Variants in SORCS2 observed in about 807,000 individuals in gnomAD.
The protein encoded by SORCS2 is VPS10 domain-containing receptor SorCS2.
SORCS2 carries 100 observed loss-of-function variants against 141.6 expected under a neutral mutation model. That is an observed-to-expected ratio of 0.71 (90% CI 0.60 to 0.83). The LOEUF (loss-of-function observed/expected upper bound fraction) is 0.83. Ranked by LOEUF, SORCS2 falls within the 40% of genes least tolerant of loss-of-function variation. SORCS2 has a pLI of 0.00. For missense variants in SORCS2, 1,646 were observed against 1,560.2 expected (o/e 1.05, Z -0.93); for synonymous variants, 789 against 676.9 (o/e 1.17, Z -2.57).
chr4:7,372,235 G>A (rs542607026), intron 1 of SORCS2, among the ~76,000 whole-genome samples: 1 of 152,314 alleles, frequency 6.6e-6, no homozygotes, highest in Admixed American at 6.5e-5. Context: ...GTTGAATGCA[G>A]TAATAATGAT....
chr4:7,302,769 A>ATGTGTGTG lies in SORCS2; in HGVS notation c.481-93506_481-93499dup, dbSNP rs138338129. Among the ~76,000 whole-genome samples the ATGTGTGTG allele has an allele frequency of 1.3e-3, 194 of 145,910 alleles. No homozygotes were observed. In the South Asian group the frequency reaches 0.015, roughly 11 times the overall value. On this transcript the variant is annotated intron_variant, in intron 1 of 26. Transcript: ENST00000507866. ...CCGGCATCTAGTAGACAGTCCACAT[A>ATGTGTGTG]TGTGTGTGTGTGTGTGTGTGCGCGC... is the stretch of plus-strand genomic sequence containing the variant.
chr4:7,268,691 G>C (rs1377859358), intron 1 of SORCS2, among the ~76,000 whole-genome samples: 1 of 152,228 alleles, frequency 6.6e-6, no homozygotes, highest in Non-Finnish European at 1.5e-5. Context: ...CCAGGGTGGA[G>C]GGAGCATAAA....
chr4:7,582,255 G>C (rs1314369111), intron 3 of SORCS2, among the ~76,000 whole-genome samples: 2 of 152,204 alleles, frequency 1.3e-5, no homozygotes, highest in Non-Finnish European at 2.9e-5. Context: ...CAGGACAATA[G>C]GGGCAAAGAT....
intron 1 of SORCS2, among the ~76,000 whole-genome samples, chr4:7,235,261 C>T (rs554132821): frequency 2.0e-5 from 3 of 152,234 alleles, no homozygotes; most frequent in Non-Finnish European, 2.9e-5. Flanking sequence ...TTCTGCTGCC[C>T]GCGCCAGGCT....
At chr4:7,239,125 C>G (rs1204803308) in intron 1 of SORCS2, among the ~76,000 whole-genome samples, 5 of 152,236 alleles carry the variant, frequency 3.3e-5, no homozygotes, top group African/African-American at 1.2e-4. Context: ...TTCAAAGTCC[C>G]TGTCCCTCCT....
chr4:7,710,570 G>C (rs1725763648), intron 14 of SORCS2, among the ~76,000 whole-genome samples: 1 of 152,236 alleles, frequency 6.6e-6, no homozygotes, highest in African/African-American at 2.4e-5. Flanking sequence ...CCCAGGCATT[G>C]TTTGGACAGC....
chr4:7,558,821 A>T (rs1028279785), intron 3 of SORCS2, among the ~76,000 whole-genome samples: 1 of 151,970 alleles, frequency 6.6e-6, no homozygotes, highest in South Asian at 2.1e-4. Context: ...GCCTCACCCT[A>T]GGGCCTCTAG....
At chr4:7,578,819 G>A (rs1271112190) in intron 3 of SORCS2, among the ~76,000 whole-genome samples, 1 of 152,168 alleles carries the variant, frequency 6.6e-6, no homozygotes, top group Non-Finnish European at 1.5e-5. Context: ...CCCAGTTTTG[G>A]AATTCTACTC....
chr4:7,334,107 C>G (rs1228969456), intron 1 of SORCS2, among the ~76,000 whole-genome samples: 3 of 152,176 alleles, frequency 2.0e-5, no homozygotes, highest in Non-Finnish European at 2.9e-5. Context: ...GGCCCCTCAC[C>G]CTCCTCTCAA....
At chr4:7,684,302 G>A (rs1437507426) in intron 10 of SORCS2, among the ~76,000 whole-genome samples, 2 of 152,226 alleles carry the variant, frequency 1.3e-5, no homozygotes, top group Non-Finnish European at 2.9e-5. Flanking sequence ...CTTTGGCATT[G>A]GAGTGAGGAT....
intron 1 of SORCS2, among the ~76,000 whole-genome samples, chr4:7,199,585 G>C (rs971597160): frequency 2.6e-5 from 4 of 151,986 alleles, no homozygotes; most frequent in Admixed American, 6.6e-5. Context: ...TGTTGCTGTG[G>C]TCTGGCCTTC....
At chr4:7,532,611 T>C (rs1202365198) in intron 3 of SORCS2, among the ~76,000 whole-genome samples, 4 of 152,198 alleles carry the variant, frequency 2.6e-5, no homozygotes, top group Non-Finnish European at 5.9e-5. Context: ...GTTGCGCTGG[T>C]GGCAGGTTCA....
At chr4:7,580,464 T>C (rs1716070276) in intron 3 of SORCS2, among the ~76,000 whole-genome samples, 1 of 151,818 alleles carries the variant, frequency 6.6e-6, no homozygotes, top group African/African-American at 2.4e-5. Context: ...CACTCCAGCC[T>C]ATGTGACACA....
At chr4:7,300,329 C>G (rs902474551) in intron 1 of SORCS2, among the ~76,000 whole-genome samples, 8 of 152,068 alleles carry the variant, frequency 5.3e-5, no homozygotes, top group Non-Finnish European at 1.0e-4. Flanking sequence ...GTGGGGGGTA[C>G]TTTTCTGGGA....
rs1007868137 is a variant in SORCS2 at position 7,664,894 on chromosome 4, C to A, written c.1071+423C>A. ...TGCCCTCAGGTCACAAGTGGGCCCA[C>A]CCTCAGCAGCCATGTGGTCCCAGCT... On this transcript the variant is annotated intron_variant, in intron 7 of 26. Coordinates refer to ENST00000507866, the MANE Select transcript of SORCS2 (RefSeq NM_020777.3). The surrounding 1 kb of genome is among the most constrained non-coding windows in gnomAD (Gnocchi z 4.7). Among the ~76,000 whole-genome samples, 1 of 152,218 alleles carries A rather than the reference C, an allele frequency of 6.6e-6. No homozygotes were observed. Among genetic ancestry groups the A allele is most frequent in the Non-Finnish European group, 1.5e-5 (1 of 68,046 alleles).
At chr4:7,615,791 C>T (rs368638230) in intron 3 of SORCS2, among the ~76,000 whole-genome samples, 1 of 152,310 alleles carries the variant, frequency 6.6e-6, no homozygotes, top group Middle Eastern at 3.4e-3. Flanking sequence ...AGCAAGGAGC[C>T]TCTGCTGGCC....
chr4:7,275,636 G>T (rs184547119), intron 1 of SORCS2, among the ~76,000 whole-genome samples: 2 of 152,198 alleles, frequency 1.3e-5, no homozygotes, highest in East Asian at 3.9e-4. Flanking sequence ...TTGTGTACCT[G>T]GTTCTAGAAT....
chr4:7,452,481 A>G (rs1728526761), intron 2 of SORCS2, among the ~76,000 whole-genome samples: 1 of 152,144 alleles, frequency 6.6e-6, no homozygotes, highest in South Asian at 2.1e-4. Context: ...TGCTGGCCAA[A>G]GTCTATGATG....
chr4:7,361,650 C>A (rs1169853813), intron 1 of SORCS2, among the ~76,000 whole-genome samples: 1 of 152,058 alleles, frequency 6.6e-6, no homozygotes, highest in African/African-American at 2.4e-5. Context: ...TCCAACAGTC[C>A]AGCAGGAGAC....
Sources: allele counts gnomAD v4.1 joint callset (sites outside exome capture counted in the v4.1 genomes callset), GRCh38; gene constraint gnomAD v4.1.1; non-coding constraint Gnocchi (gnomAD v3.1); transcripts MANE v1.5; gene names NCBI Gene and HGNC (gene_info 2026-07-23, HGNC 2026-07-21).